The following ARHGAP44 variants were observed in gnomAD, a reference collection of about 807,000 sequenced individuals.
ARHGAP44 encodes rho GTPase-activating protein 44.
In ARHGAP44, 43 loss-of-function variants were observed where a neutral mutation model predicts 106.8. The observed-to-expected ratio is 0.40, with a 90% CI of 0.32 to 0.52. The LOEUF is 0.52. Among genes scored for constraint, ARHGAP44 ranks in the 20% least tolerant of loss-of-function variants. The pLI is 0.48. For synonymous variants in ARHGAP44, 439 were observed against 410.3 expected (o/e 1.07, Z -0.85); for missense variants, 866 against 1,050.5 (o/e 0.82, Z 2.43).
intron 7 of ARHGAP44, among the ~76,000 whole-genome samples, chr17:12,940,654 A>T (rs2038681552): frequency 2.0e-5 from 3 of 152,226 alleles, no homozygotes; most frequent in South Asian, 4.1e-4. Flanking sequence ...AATGAAGGGA[A>T]GCAGACCAGT....
At chr17:12,913,249 AATC>A (rs746730985) in intron 4 of ARHGAP44, among the ~76,000 whole-genome samples, 28 of 152,158 alleles carry the variant, frequency 1.8e-4, no homozygotes, top group Non-Finnish European at 3.2e-4. Flanking sequence ...ATTTTTTTTT[AATC>A]AAGTTAAGCA....
chr17:12,900,913 C>CTTTT (rs3074723), intron 3 of ARHGAP44, among the ~76,000 whole-genome samples: 2 of 103,612 alleles, frequency 1.9e-5, no homozygotes, highest in African/African-American at 3.5e-5. Flanking sequence ...GAAAGTTTGG[C>CTTTT]TTTTTTTTTT....
At chr17:12,855,153 C>T (rs879200493) in intron 1 of ARHGAP44, among the ~76,000 whole-genome samples, 4 of 151,996 alleles carry the variant, frequency 2.6e-5, no homozygotes, top group East Asian at 1.9e-4. Context: ...TATTTCACCT[C>T]GAGCTTTATA....
Position 12,949,601 on chromosome 17 carries a change from C to T in ARHGAP44, c.974-48C>T, listed in dbSNP as rs775221767. 2.5e-6 allele frequency: 4 copies of T among 1,587,514 alleles called. No homozygotes were observed. Among genetic ancestry groups the T allele is most frequent in the Admixed American group, 3.4e-5 (2 of 59,438 alleles). ...GGCAGTGCTGGCTGGTGGGTCTTGC[C>T]TCTGCCACATCATAACAGTTCACAA... On this transcript the variant is annotated intron_variant, in intron 11 of 20. Coordinates refer to ENST00000379672, the MANE Select transcript of ARHGAP44 (RefSeq NM_014859.6). This position sits in a 1 kb window ranked among gnomAD's most constrained non-coding sequence, Gnocchi z 4.1.
At chr17:12,910,903 T>C (rs2037710677) in intron 4 of ARHGAP44, among the ~76,000 whole-genome samples, 1 of 151,536 alleles carries the variant, frequency 6.6e-6, no homozygotes, top group Non-Finnish European at 1.5e-5. Context: ...AAAAATAAAA[T>C]AAATTTAGTG....
At chr17:12,988,925 C>CAAAAAAAAAAAA (rs76187703) in intron 20 of ARHGAP44, 1 of 84,606 alleles carries the variant, frequency 1.2e-5, no homozygotes, top group East Asian at 3.5e-4. Flanking sequence ...CTAAAAACAC[C>CAAAAAAAAAAAA]AAAAAAAAAA....
intron 7 of ARHGAP44, among the ~76,000 whole-genome samples, chr17:12,938,582 T>TTAAA (rs376200698): frequency 0.16 from 20,289 of 126,588 alleles, 2,031 homozygotes; most frequent in East Asian, 0.44. Flanking sequence ...AGCTATATAT[T>TTAAA]AAAAAAAAAA....
chr17:12,975,769 G>A (rs1331713412), intron 18 of ARHGAP44, among the ~76,000 whole-genome samples: 2 of 129,548 alleles, frequency 1.5e-5, no homozygotes, highest in Admixed American at 1.9e-4. Context: ...CTGCACTCCA[G>A]CCTGGGTGAC....
At chr17:12,978,195 T>C (rs903294305) in intron 18 of ARHGAP44, among the ~76,000 whole-genome samples, 1 of 152,140 alleles carries the variant, frequency 6.6e-6, no homozygotes, top group African/African-American at 2.4e-5. Flanking sequence ...ATGTTTTTGA[T>C]TGGTTGACTG....
chr17:12,842,759 G>C (rs2035453847), intron 1 of ARHGAP44, among the ~76,000 whole-genome samples: 1 of 152,164 alleles, frequency 6.6e-6, no homozygotes, highest in Non-Finnish European at 1.5e-5. Flanking sequence ...CCTTAGAACA[G>C]GTTTAGAAAA....
rs1330715223 is a variant in ARHGAP44, at chr17:12,789,766, T to G, written c.-73T>G. ...CCCGGGAGGCTCCGCGCGGGAGCCA[T>G]GTAACCCTGCGGCGGGCTCCGGGCT... On this transcript the variant is annotated 5_prime_UTR_variant, in exon 1 of 21. It removes an upstream start codon present in the reference 5' UTR. Coordinates refer to ENST00000379672, the MANE Select transcript of ARHGAP44 (RefSeq NM_014859.6). The G allele has an allele frequency of 5.8e-6, 8 of 1,374,060 alleles. No individual in the cohort carries two copies. The highest frequency in any genetic ancestry group is 3.6e-5 in the Admixed American group (1 of 27,696). 85.1% of individuals were successfully genotyped at this position (1,374,060 alleles called of 1,614,324 possible).
At chr17:12,968,237 C>T (rs894379206) in intron 16 of ARHGAP44, among the ~76,000 whole-genome samples, 7 of 152,160 alleles carry the variant, frequency 4.6e-5, no homozygotes, top group Admixed American at 1.3e-4. Context: ...ATGTTTTTAT[C>T]TGTCTCCACC....
At position 12,941,080 on chromosome 17, in the gene ARHGAP44, A is replaced by G. The variant is rs771704097; in HGVS notation, c.607A>G (p.Ser203Gly). The G allele has an allele frequency of 3.1e-6, 5 of 1,614,036 alleles. No individual in the cohort carries two copies. Among genetic ancestry groups the G allele is most frequent in the Middle Eastern group, 1.7e-4 (1 of 6,058 alleles). Residue 203 changes from serine to glycine, a missense_variant, in exon 8 of 21, where the codon AGT (serine) becomes GGT (glycine). By Grantham distance (56) the Ser-to-Gly change is moderately conservative. This residue lies in a region of ARHGAP44 where 448 missense variants were observed against 646.9 expected (regional missense o/e 0.69). Coordinates refer to ENST00000379672, the MANE Select transcript of ARHGAP44 (RefSeq NM_014859.6). ...CRDQLSADMY[S>G]FVAKEIDYAN... ...GGACCAGCTCTCAGCTGATATGTACAGTTTTGTGGCCAAAGAAATTGACTA... is the reference window on the plus strand; with the variant it reads ...GGACCAGCTCTCAGCTGATATGTACGGTTTTGTGGCCAAAGAAATTGACTA...
intron 1 of ARHGAP44, among the ~76,000 whole-genome samples, chr17:12,894,667 A>C (rs1428503647): frequency 6.6e-6 from 1 of 151,998 alleles, no homozygotes; most frequent in East Asian, 1.9e-4. Flanking sequence ...AAATATATAC[A>C]TATCTGGAAA....
At chr17:12,796,042 G>T (rs539846695) in intron 1 of ARHGAP44, among the ~76,000 whole-genome samples, 1 of 151,778 alleles carries the variant, frequency 6.6e-6, no homozygotes, top group Non-Finnish European at 1.5e-5. Flanking sequence ...ATAAACTTAT[G>T]GATGGGCTAA....
At chr17:12,966,534 A>G (rs1157359141) in intron 16 of ARHGAP44, among the ~76,000 whole-genome samples, 4 of 152,214 alleles carry the variant, frequency 2.6e-5, no homozygotes, top group African/African-American at 9.6e-5. Context: ...TGTGTAGGCC[A>G]GGCTAAGTCT....
intron 7 of ARHGAP44, among the ~76,000 whole-genome samples, chr17:12,933,994 G>A (rs772552473): frequency 1.2e-4 from 18 of 151,730 alleles, no homozygotes; most frequent in African/African-American, 2.7e-4. Flanking sequence ...GATTACAAGC[G>A]CCTGCCACCA....
At chr17:12,955,736 C>T (rs1200270347) in intron 13 of ARHGAP44, 131 bp from the exon 14 acceptor site, 5 of 605,930 alleles carry the variant, frequency 8.3e-6, no homozygotes, top group African/African-American at 1.9e-5. Flanking sequence ...GACGCATGTT[C>T]ATTACATTGC....
intron 4 of ARHGAP44, among the ~76,000 whole-genome samples, chr17:12,914,353 C>T (rs998316006): frequency 8.5e-5 from 13 of 152,296 alleles, no homozygotes; most frequent in African/African-American, 3.1e-4. Context: ...CACAAAGAGA[C>T]TGCACAAGCA....
Sources: allele counts gnomAD v4.1 joint callset (sites outside exome capture counted in the v4.1 genomes callset), GRCh38; gene constraint gnomAD v4.1.1; regional missense constraint gnomAD v4.1.1; non-coding constraint Gnocchi (gnomAD v3.1); transcripts MANE v1.5; gene names NCBI Gene and HGNC (gene_info 2026-07-23, HGNC 2026-07-21).